Variants in ZFP64 observed in about 807,000 individuals in gnomAD.
ZFP64 encodes ZFP64 zinc finger protein, also known as zinc finger protein 64.
Under a neutral mutation model 51.6 loss-of-function variants are expected in ZFP64, and 14 were observed. The observed-to-expected ratio is 0.27, with a 90% CI of 0.18 to 0.42. The LOEUF is 0.42. Ranked by LOEUF, ZFP64 falls within the 10% of genes least tolerant of loss-of-function variation. The pLI is 1.00. For missense variants in ZFP64, 754 were observed against 906.8 expected (o/e 0.83, Z 2.16); for synonymous variants, 375 against 361.4 (o/e 1.04, Z -0.43).
intron 2 of ZFP64, among the ~76,000 whole-genome samples, chr20:52,179,531 C>A (rs893851910): frequency 6.6e-6 from 1 of 152,214 alleles, no homozygotes; most frequent in Admixed American, 6.5e-5. Flanking sequence ...CTGATTAGGT[C>A]TCTGCATGCA....
intron 7 of ZFP64, among the ~76,000 whole-genome samples, chr20:52,096,198 C>T (rs969154974): frequency 3.3e-5 from 5 of 152,190 alleles, no homozygotes; most frequent in Admixed American, 6.5e-5. Context: ...CCGCTTAAAA[C>T]CATCCCTCAG....
chr20:52,164,807 T>C (rs898559564), intron 3 of ZFP64, 50 bp from the exon 4 acceptor site: 1 of 1,519,114 alleles, frequency 6.6e-7, no homozygotes, highest in Non-Finnish European at 9.1e-7. Context: ...TAGTAACTTT[T>C]AGCATGGAGA....
At chr20:52,133,078 C>T (rs538873440) in intron 5 of ZFP64, among the ~76,000 whole-genome samples, 1 of 152,084 alleles carries the variant, frequency 6.6e-6, no homozygotes, top group Non-Finnish European at 1.5e-5. Flanking sequence ...TGTAATACAT[C>T]ATATAAACAG....
chr20:52,183,175 G>A (rs966865406), intron 2 of ZFP64, among the ~76,000 whole-genome samples: 1 of 152,292 alleles, frequency 6.6e-6, no homozygotes, highest in Admixed American at 6.5e-5. Context: ...CAGGAAGAAT[G>A]CAGACCCTTT....
chr20:52,160,509 G>C lies in ZFP64; in HGVS notation c.512-135C>G. ...TCCAAAAACCCTAAAACACTGGGTG[G>C]ATGATTGGCAAAGAGCTAACATCTT... is the stretch of plus-strand genomic sequence containing the variant. On this transcript the variant is annotated intron_variant, in intron 4 of 5. Transcript: ENST00000216923. This position sits in a 1 kb window ranked among gnomAD's most constrained non-coding sequence, Gnocchi z 4.2. 1 of 1,206,906 alleles carries C rather than the reference G, an allele frequency of 8.3e-7. No homozygotes were observed. Among genetic ancestry groups the C allele is most frequent in the Admixed American group, 3.0e-5 (1 of 33,458 alleles). 74.8% of individuals were successfully genotyped at this position (1,206,906 alleles called of 1,614,324 possible).
At chr20:52,097,278 CAG>C (rs2078998662) in intron 7 of ZFP64, 1 of 1,420,778 alleles carries the variant, frequency 7.0e-7, no homozygotes, top group Non-Finnish European at 9.9e-7. Flanking sequence ...GCAGATGAGG[CAG>C]AGACTGTCCT....
At chr20:52,106,252 A>AC (rs1039172336) in intron 5 of ZFP64, among the ~76,000 whole-genome samples, 1 of 151,838 alleles carries the variant, frequency 6.6e-6, no homozygotes, top group African/African-American at 2.4e-5. Flanking sequence ...CCCGAGGGAG[A>AC]CCCCTCCTTG....
intron 7 of ZFP64, among the ~76,000 whole-genome samples, chr20:52,094,497 A>G (rs1461842392): frequency 6.6e-6 from 1 of 152,202 alleles, no homozygotes; most frequent in Non-Finnish European, 1.5e-5. Context: ...AGGGTGGCTC[A>G]CGCCTGTAAT....
At chr20:52,139,041 T>C (rs1157305224) in intron 5 of ZFP64, among the ~76,000 whole-genome samples, 1 of 152,098 alleles carries the variant, frequency 6.6e-6, no homozygotes, top group Non-Finnish European at 1.5e-5. Flanking sequence ...ACTAAAGATA[T>C]TCACAAGGTC....
Position 52,110,483 on chromosome 20 carries a change from C to T in ZFP64, c.764-11896G>A, listed in dbSNP as rs189545064. 15 of 691,374 alleles carry T rather than the reference C, an allele frequency of 2.2e-5. No homozygotes were observed. The East Asian group carries it at 3.5e-4, about 16-fold the overall frequency. 42.8% of individuals were successfully genotyped at this position (691,374 alleles called of 1,614,324 possible). A position where few individuals can be genotyped will look rare whatever the true frequency, so the allele number is the denominator to read the frequency against. Reference sequence around the variant, plus strand: ...CCATGTCATCTCTATGCTGGGAAGTCCTCTGCCTAGTCTAAGATCTTCCCT... The same window carrying T: ...CCATGTCATCTCTATGCTGGGAAGTTCTCTGCCTAGTCTAAGATCTTCCCT... On this transcript the variant is annotated intron_variant, in intron 5 of 8. Transcript: ENST00000361387.
exon 9 of ZFP64, chr20:52,084,991 A>G: frequency 6.2e-7 from 1 of 1,614,094 alleles, no homozygotes; most frequent in Non-Finnish European, 8.5e-7. Flanking sequence ...GAGCAGGAGT[A>G]GCTGCACTCT....
rs34646115 is a variant in ZFP64 at position 52,102,107 on chromosome 20, C to CAAAAAAA, written c.764-3527_764-3521dup. ...AGCCTGGTGAGAGTAACTCCATCTC[C>CAAAAAAA]AAAAAAAAAAAAAAAAAAGGCAGCA... On this transcript the variant is annotated intron_variant, in intron 5 of 8. Coordinates refer to the ZFP64 transcript ENST00000361387. Among the ~76,000 whole-genome samples the CAAAAAAA allele has an allele frequency of 1.4e-3, 89 of 63,408 alleles. 1 individual carries two copies. Among genetic ancestry groups the CAAAAAAA allele is most frequent in the Non-Finnish European group, 1.8e-3 (59 of 32,672 alleles). 41.6% of individuals were successfully genotyped at this position (63,408 alleles called of 152,430 possible). A position where few individuals can be genotyped will look rare whatever the true frequency, so the allele number is the denominator to read the frequency against.
chr20:52,141,578 A>G (rs1980256796), intron 5 of ZFP64, among the ~76,000 whole-genome samples: 1 of 152,198 alleles, frequency 6.6e-6, no homozygotes, highest in South Asian at 2.1e-4. Context: ...TAGAATTAGA[A>G]GTGGAACCTG....
chr20:52,168,319 A>G (rs1225256888), intron 2 of ZFP64, among the ~76,000 whole-genome samples: 1 of 152,222 alleles, frequency 6.6e-6, no homozygotes, highest in Admixed American at 6.5e-5. Context: ...CTGATGCATG[A>G]ATCAGCTGCA....
chr20:52,186,804 G>T, intron 2 of ZFP64, 28 bp downstream of exon 2: 1 of 1,582,422 alleles, frequency 6.3e-7, no homozygotes, highest in Non-Finnish European at 8.6e-7. Flanking sequence ...GGCCAATTCT[G>T]GCCGACTCCC....
intron 7 of ZFP64, among the ~76,000 whole-genome samples, chr20:52,091,977 C>A (rs1027361436): frequency 1.3e-5 from 2 of 151,782 alleles, no homozygotes; most frequent in Non-Finnish European, 2.9e-5. Context: ...GCAACAAGAG[C>A]GAAACTCCGT....
exon 8 of ZFP64, chr20:52,088,414 G>A (rs140282228): frequency 1.2e-4 from 188 of 1,611,704 alleles, no homozygotes; most frequent in Middle Eastern, 5.0e-4. Context: ...GCAGGTGGAC[G>A]GTGAGCTGGC....
chr20:52,142,377 G>GACACACACACAC (rs142317072), intron 5 of ZFP64, among the ~76,000 whole-genome samples: 3,117 of 118,392 alleles, frequency 0.026, 76 homozygotes, highest in African/African-American at 0.046. Context: ...CACACACACA[G>GACACACACACAC]ACACACACAC....
intron 2 of ZFP64, among the ~76,000 whole-genome samples, chr20:52,170,513 T>A (rs1398512152): frequency 6.6e-6 from 1 of 152,178 alleles, no homozygotes; most frequent in African/African-American, 2.4e-5. Flanking sequence ...AGGGATCATT[T>A]TGGGGCAGGG....
Sources: gnomAD v4.1 joint callset for allele counts (sites outside exome capture counted in the v4.1 genomes callset) on GRCh38, gnomAD v4.1.1 for gene constraint, Gnocchi (gnomAD v3.1) non-coding constraint, MANE v1.5 for transcripts, NCBI Gene and HGNC (gene_info 2026-07-23, HGNC 2026-07-21) for gene names.